UBXN2B: variants seen among roughly 807,000 people sequenced by gnomAD.
UBXN2B encodes the protein UBX domain protein 2B, also known as UBX domain-containing protein 2B.
UBXN2B carries 19 observed loss-of-function variants against 37.5 expected under a neutral mutation model. The ratio of observed to expected loss-of-function variants is 0.51; its 90% CI spans 0.35 to 0.74. The LOEUF (loss-of-function observed/expected upper bound fraction) is 0.74. Ranked by LOEUF, UBXN2B falls within the 30% of genes least tolerant of loss-of-function variation. The pLI, the probability that UBXN2B is intolerant of heterozygous loss-of-function variation, is 0.01. For missense variants in UBXN2B, 370 were observed against 393.2 expected, an observed-to-expected ratio of 0.94 and a Z score of 0.50; for synonymous variants, 145 against 143.8, an observed-to-expected ratio of 1.01 and a Z score of -0.06.
At chr8:58,444,012 A>G (rs575595300) in intron 6 of UBXN2B, among the ~76,000 whole-genome samples, 11 of 152,280 alleles carry the variant, frequency 7.2e-5, no homozygotes, top group Middle Eastern at 3.4e-3. Flanking sequence ...CTCAAATGTT[A>G]TTATTCCATA....
At chr8:58,429,202 A>T (rs1293549888) in intron 2 of UBXN2B, among the ~76,000 whole-genome samples, 1 of 152,188 alleles carries the variant, frequency 6.6e-6, no homozygotes, top group Non-Finnish European at 1.5e-5. Flanking sequence ...CTTGAAGGTG[A>T]CTTCCATTCC....
At chr8:58,430,303 T>C (rs886931226) in intron 2 of UBXN2B, among the ~76,000 whole-genome samples, 2 of 152,230 alleles carry the variant, frequency 1.3e-5, no homozygotes, top group African/African-American at 4.8e-5. Flanking sequence ...AACTTGCCCT[T>C]AGAATCAATC....
intron 1 of UBXN2B, among the ~76,000 whole-genome samples, chr8:58,412,963 A>C (rs1807678044): frequency 6.6e-6 from 1 of 152,196 alleles, no homozygotes; most frequent in Non-Finnish European, 1.5e-5. Flanking sequence ...AAGTTAATAG[A>C]GTGTGTAACT....
chr8:58,415,688 T>G (rs1807759214), intron 1 of UBXN2B, among the ~76,000 whole-genome samples: 1 of 152,068 alleles, frequency 6.6e-6, no homozygotes, highest in African/African-American at 2.4e-5. Flanking sequence ...ATGTGGTAAC[T>G]AAGGCTCAGA....
rs192133550 is a variant in UBXN2B, at chr8:58,431,070, C to G, written c.339+401C>G. Among the ~76,000 whole-genome samples, 1,192 of 152,274 alleles carry G rather than the reference C, an allele frequency of 7.8e-3. 18 individuals are homozygous for G. The highest frequency in any genetic ancestry group is 0.026 in the African/African-American group (1,083 of 41,530). The stretch of plus-strand genomic sequence containing the variant: ...TCCTTTTATCACATGTGTAATCACC[C>G]AACTGAAACTCTCCTTCATAGCCTA... On this transcript the variant is annotated intron_variant, in intron 3 of 7. Coordinates refer to ENST00000399598, the MANE Select transcript of UBXN2B (RefSeq NM_001077619.2).
chr8:58,416,920 C>T lies in UBXN2B; in HGVS notation c.155C>T (p.Thr52Ile). The T allele has an allele frequency of 3.1e-6, 5 of 1,611,866 alleles. No homozygotes were observed. Among genetic ancestry groups the T allele is most frequent in the Admixed American group, 3.3e-5 (2 of 59,920 alleles). ...KSSKSNRPKA[T>I]VFKSPRTPPQ... Reference sequence around the variant, plus strand: ...TCCAAGTCTAATAGACCTAAAGCCACAGTCTTCAAGAGCCCACGGACACCA... The same window carrying T: ...TCCAAGTCTAATAGACCTAAAGCCATAGTCTTCAAGAGCCCACGGACACCA... The change falls in exon 2 of 8, where the codon ACA becomes ATA. Residue 52 changes from threonine (T) to isoleucine (I), a missense_variant. This residue lies in a region of UBXN2B where 197 missense variants were observed against 170.2 expected (regional missense o/e 1.16). Coordinates refer to ENST00000399598, the MANE Select transcript of UBXN2B (RefSeq NM_001077619.2).
chr8:58,412,047 ATGT>A (rs1221133091), intron 1 of UBXN2B, among the ~76,000 whole-genome samples: 2 of 152,216 alleles, frequency 1.3e-5, no homozygotes, highest in Non-Finnish European at 2.9e-5. Flanking sequence ...AAATTTCGTA[ATGT>A]TGTGTAGGAC....
In UBXN2B at chr8:58,430,708, A is replaced by G. The variant is rs749470479; in HGVS notation, c.339+39A>G. ...TTTAAACTAAATACATTGTTTCTAT[A>G]TTTTACCTCCTCTTTCATTTTTCTA... On this transcript the variant is annotated intron_variant, in intron 3 of 7. Transcript: ENST00000399598. 6.7e-6 allele frequency: 9 copies of G among 1,338,454 alleles called. No homozygotes were observed. The South Asian group carries it at 1.9e-4, about 28-fold the overall frequency. 82.9% of individuals were successfully genotyped at this position (1,338,454 alleles called of 1,614,324 possible). A position where few individuals can be genotyped will look rare whatever the true frequency, so the allele number is the denominator to read the frequency against.
chr8:58,418,895 TC>T (rs1807852267), intron 2 of UBXN2B, among the ~76,000 whole-genome samples: 1 of 152,260 alleles, frequency 6.6e-6, no homozygotes, highest in Admixed American at 6.5e-5. Flanking sequence ...GGCCACTGTT[TC>T]CCCAGTTTGA....
At chr8:58,418,090 A>T (rs541978706) in intron 2 of UBXN2B, among the ~76,000 whole-genome samples, 139 of 152,112 alleles carry the variant, frequency 9.1e-4, no homozygotes, top group Non-Finnish European at 1.5e-3. Context: ...AAAATACAGA[A>T]ATTAGCTGGG....
Sources: allele counts gnomAD v4.1 joint callset (sites outside exome capture counted in the v4.1 genomes callset), GRCh38; gene constraint gnomAD v4.1.1; regional missense constraint gnomAD v4.1.1; transcripts MANE v1.5; gene names NCBI Gene and HGNC (gene_info 2026-07-23, HGNC 2026-07-21).